SGCZ: variants seen among roughly 807,000 people sequenced by gnomAD.
SGCZ encodes sarcoglycan zeta.
Under a neutral mutation model 41.3 loss-of-function variants are expected in SGCZ, and 40 were observed. The ratio of observed to expected loss-of-function variants is 0.97; its 90% CI spans 0.75 to 1.26. The LOEUF is 1.26. Among genes scored for constraint, SGCZ ranks in the 50% most tolerant of loss-of-function variants. SGCZ has a pLI of 0.00. For missense variants in SGCZ, 552 were observed against 369.8 expected, an observed-to-expected ratio of 1.49 and a Z score of -4.04; for synonymous variants, 206 against 137.5, an observed-to-expected ratio of 1.50 and a Z score of -3.49.
chr8:14,261,226 C>T (rs1031864573), intron 3 of SGCZ, among the ~76,000 whole-genome samples: 6 of 152,160 alleles, frequency 3.9e-5, no homozygotes, highest in African/African-American at 1.4e-4. Context: ...AATACAGAGA[C>T]ATCTGAGCTG....
At chr8:14,301,482 A>G (rs1563244837) in intron 3 of SGCZ, among the ~76,000 whole-genome samples, 1 of 152,144 alleles carries the variant, frequency 6.6e-6, no homozygotes, top group Non-Finnish European at 1.5e-5. Flanking sequence ...GCTGTTTTAT[A>G]GATTACACCT....
At chr8:14,439,310 A>AATATATATATATATATAT (rs57569373) in intron 2 of SGCZ, among the ~76,000 whole-genome samples, 105 of 142,682 alleles carry the variant, frequency 7.4e-4, no homozygotes, top group Non-Finnish European at 9.6e-4. Flanking sequence ...AGAAGAAAGA[A>AATATATATATATATATAT]ATATATATAT....
intron 1 of SGCZ, among the ~76,000 whole-genome samples, chr8:14,600,704 G>T (rs550154469): frequency 6.6e-6 from 1 of 152,038 alleles, no homozygotes; most frequent in Non-Finnish European, 1.5e-5. Context: ...GCTGTGTCAT[G>T]ATTTCAACTA....
At chr8:14,517,545 A>T (rs944816119) in intron 2 of SGCZ, among the ~76,000 whole-genome samples, 1 of 152,052 alleles carries the variant, frequency 6.6e-6, no homozygotes, top group Non-Finnish European at 1.5e-5. Flanking sequence ...TGTTTGCAAG[A>T]ATGTGCTTTA....
At chr8:14,878,190 C>CT (rs1183435501) in intron 1 of SGCZ, among the ~76,000 whole-genome samples, 18 of 149,648 alleles carry the variant, frequency 1.2e-4, no homozygotes, top group African/African-American at 4.4e-4. Context: ...TTCTTTTTTT[C>CT]TTTTTTTCTT....
intron 1 of SGCZ, among the ~76,000 whole-genome samples, chr8:14,664,697 T>C (rs1195933934): frequency 6.6e-6 from 1 of 152,238 alleles, no homozygotes; most frequent in African/African-American, 2.4e-5. Context: ...TAGTGTATGC[T>C]ATATGATTAT....
chr8:14,480,054 C>T (rs1269262987), intron 2 of SGCZ, among the ~76,000 whole-genome samples: 2 of 152,178 alleles, frequency 1.3e-5, no homozygotes, highest in Admixed American at 1.3e-4. Flanking sequence ...AGCCATTTCT[C>T]CTTTATAGCT....
intron 1 of SGCZ, among the ~76,000 whole-genome samples, chr8:14,828,791 G>C (rs1202964552): frequency 6.6e-6 from 1 of 152,114 alleles, no homozygotes; most frequent in Non-Finnish European, 1.5e-5. Context: ...TAAAGCTTTA[G>C]CAGAAAAATG....
chr8:14,162,842 A>C (rs923206787), intron 5 of SGCZ, among the ~76,000 whole-genome samples: 2 of 152,120 alleles, frequency 1.3e-5, no homozygotes, highest in African/African-American at 2.4e-5. Context: ...TCCCTGTTGA[A>C]TTTCATCACC....
intron 6 of SGCZ, among the ~76,000 whole-genome samples, chr8:14,103,700 C>A (rs761272525): frequency 6.6e-6 from 1 of 151,906 alleles, no homozygotes; most frequent in Non-Finnish European, 1.5e-5. Context: ...TCCCTATGGG[C>A]CATTTGGAGA....
chr8:15,192,826 A>T (rs549960230), intron 1 of SGCZ, among the ~76,000 whole-genome samples: 8 of 152,028 alleles, frequency 5.3e-5, no homozygotes, highest in Non-Finnish European at 1.2e-4. Context: ...GTGGTTTCTC[A>T]CTCCAAGAAA....
At chr8:15,181,685 T>C (rs1800185290) in intron 1 of SGCZ, among the ~76,000 whole-genome samples, 1 of 152,166 alleles carries the variant, frequency 6.6e-6, no homozygotes, top group South Asian at 2.1e-4. Context: ...AGCAGATAAC[T>C]TTTCGAAAGT....
At chr8:14,981,693 A>G (rs1164414045) in intron 1 of SGCZ, among the ~76,000 whole-genome samples, 1 of 152,234 alleles carries the variant, frequency 6.6e-6, no homozygotes, top group Non-Finnish European at 1.5e-5. Context: ...TATGAACAGG[A>G]TGTGTATAAA....
chr8:14,352,674 T>G (rs952110061), intron 2 of SGCZ, among the ~76,000 whole-genome samples: 15 of 152,180 alleles, frequency 9.9e-5, no homozygotes, highest in African/African-American at 3.6e-4. Flanking sequence ...GATCAAGCTT[T>G]AAAACCCTAG....
chr8:14,114,936 G>T (rs1277066388), intron 5 of SGCZ, among the ~76,000 whole-genome samples: 5 of 151,684 alleles, frequency 3.3e-5, no homozygotes, highest in African/African-American at 1.2e-4. Context: ...AAAGAAAACA[G>T]AATTAAAAAG....
chr8:15,169,283 G>A (rs1460013367), intron 1 of SGCZ, among the ~76,000 whole-genome samples: 1 of 152,216 alleles, frequency 6.6e-6, no homozygotes, highest in East Asian at 1.9e-4. Context: ...CAGGGAGGAG[G>A]GTGTCCTCAG....
chr8:14,515,698 A>G (rs1003451918), intron 2 of SGCZ, among the ~76,000 whole-genome samples: 2 of 152,090 alleles, frequency 1.3e-5, no homozygotes, highest in Non-Finnish European at 2.9e-5. Context: ...GTCGTGCTTT[A>G]AAATATTGAC....
In SGCZ at chr8:14,966,859, G is replaced by A. The variant is rs191039746; in HGVS notation, c.39+270726C>T. Among the ~76,000 whole-genome samples the A allele has an allele frequency of 5.2e-4, 79 of 152,122 alleles. No individual in the cohort carries two copies. The Middle Eastern group carries it at 0.017, about 33-fold the overall frequency. The stretch of plus-strand genomic sequence containing the variant: ...AAGGGAATATATGACAAAAACATAC[G>A]GGAAAGCTGTAAATTTAAACTACAA... On this transcript the variant is annotated intron_variant, in intron 1 of 7. Coordinates refer to ENST00000382080, the MANE Select transcript of SGCZ (RefSeq NM_139167.4).
chr8:14,883,838 T>C (rs139315075), intron 1 of SGCZ, among the ~76,000 whole-genome samples: 30 of 151,644 alleles, frequency 2.0e-4, no homozygotes, highest in African/African-American at 6.5e-4. Context: ...GTTGTTGTTG[T>C]TTGTTTCTAG....
Sources: allele counts gnomAD v4.1 joint callset (sites outside exome capture counted in the v4.1 genomes callset), GRCh38; gene constraint gnomAD v4.1.1; transcripts MANE v1.5; gene names NCBI Gene and HGNC (gene_info 2026-07-23, HGNC 2026-07-21).